The following IL2RA variants were observed in gnomAD, a reference collection of about 807,000 sequenced individuals.
The protein encoded by IL2RA is interleukin-2 receptor subunit alpha.
IL2RA carries 24 observed loss-of-function variants against 37.8 expected under a neutral mutation model. That is an observed-to-expected ratio of 0.63 (90% CI 0.46 to 0.89). IL2RA has a LOEUF of 0.89. Ranked by LOEUF, IL2RA falls within the 40% of genes least tolerant of loss-of-function variation. The pLI is 0.00. For missense variants in IL2RA, 319 were observed against 348.6 expected, an observed-to-expected ratio of 0.92 and a Z score of 0.68; for synonymous variants, 125 against 114.6, an observed-to-expected ratio of 1.09 and a Z score of -0.58.
At position 6,021,951 on chromosome 10, in the gene IL2RA, C is replaced by T. The variant is rs1290840485; in HGVS notation, c.368-258G>A. 2.6e-5 allele frequency among the ~76,000 whole-genome samples: 4 copies of T among 152,018 alleles called. No homozygotes were observed. Among genetic ancestry groups the T allele is most frequent in the Non-Finnish European group, 5.9e-5 (4 of 68,002 alleles). On this transcript the variant is annotated intron_variant, in intron 3 of 7. Coordinates refer to ENST00000379959, the MANE Select transcript of IL2RA (RefSeq NM_000417.3). The surrounding 1 kb of genome is among the most constrained non-coding windows in gnomAD (Gnocchi z 4.9). ...AGAAAGGCATGTGAAGGATAGCAGA[C>T]GTTGGCAATGGGAACACAGAGGAAT...
rs1464759420 is a variant in IL2RA at position 6,021,658 on chromosome 10, C to T, written c.403G>A (p.Ala135Thr). ...ACGAAATGATAAATTCTCTCTGTGG[C>T]TTCATTTTCCCATGGTGGAGGTTCC... is the stretch of plus-strand genomic sequence containing the variant. ...CREPPPWENEATERIYHFVVG... is the reference protein window; with the variant it reads ...CREPPPWENETTERIYHFVVG... The change falls in exon 4 of 8, where the codon GCC becomes ACC. Residue 135 changes from alanine to threonine, a missense_variant. Ala to Thr is a moderately conservative substitution (Grantham distance 58, BLOSUM62 0). Transcript: ENST00000379959. The surrounding 1 kb of genome is among the most constrained non-coding windows in gnomAD (Gnocchi z 4.9). 1 of 1,614,126 alleles carries T rather than the reference C, an allele frequency of 6.2e-7. No individual in the cohort carries two copies. The highest frequency in any genetic ancestry group is 8.5e-7 in the Non-Finnish European group (1 of 1,180,010).
chr10:6,023,115 C>T (rs1470062525), intron 3 of IL2RA, among the ~76,000 whole-genome samples: 1 of 152,142 alleles, frequency 6.6e-6, no homozygotes, highest in African/African-American at 2.4e-5. Context: ...TGAGCTTAAC[C>T]AAATCTTTTT....
At chr10:6,059,710 T>A (rs1840095632) in intron 1 of IL2RA, among the ~76,000 whole-genome samples, 1 of 152,170 alleles carries the variant, frequency 6.6e-6, no homozygotes, top group African/African-American at 2.4e-5. Context: ...AAGGCACTCC[T>A]GTGTTTTGGC....
intron 1 of IL2RA, among the ~76,000 whole-genome samples, chr10:6,042,621 A>G (rs1839789814): frequency 6.6e-6 from 1 of 152,196 alleles, no homozygotes; most frequent in South Asian, 2.1e-4. Context: ...CCAAGAATCT[A>G]TACTTATCCA....
Position 6,018,212 on chromosome 10 carries a change from C to G in IL2RA, c.728-93G>C, listed in dbSNP as rs1839311273. ...CCACAGGGCAGGCTGAGGACATCCC[C>G]AAAGAGCAAGGCGGAGGCTGCAGCC... is the stretch of plus-strand genomic sequence containing the variant. On this transcript the variant is annotated intron_variant, in intron 6 of 7. Coordinates refer to ENST00000379959, the MANE Select transcript of IL2RA (RefSeq NM_000417.3). The surrounding 1 kb of genome is among the most constrained non-coding windows in gnomAD (Gnocchi z 5.1). 1 of 947,770 alleles carries G rather than the reference C, an allele frequency of 1.1e-6. No individual in the cohort carries two copies. The highest frequency in any genetic ancestry group is 1.6e-5 in the African/African-American group (1 of 62,052). The allele number at this position is 947,770 out of a possible 1,614,324, so 58.7% of individuals were successfully genotyped here.
At position 6,015,914 on chromosome 10, in the gene IL2RA, A is replaced by G. The variant is rs78230131; in HGVS notation, c.794+2139T>C. Among the ~76,000 whole-genome samples the G allele has an allele frequency of 1.3e-5, 2 of 152,306 alleles. No individual in the cohort carries two copies. The highest frequency in any genetic ancestry group is 3.9e-4 in the East Asian group (2 of 5,192). ...AGGCAAATCCATAGAGACGGAACAT[A>G]GAGTGGTGGTTTCCCGGGGCTGGGG... is the stretch of plus-strand genomic sequence containing the variant. On this transcript the variant is annotated intron_variant, in intron 7 of 7. Coordinates refer to ENST00000379959, the MANE Select transcript of IL2RA (RefSeq NM_000417.3). This position sits in a 1 kb window ranked among gnomAD's most constrained non-coding sequence, Gnocchi z 4.9.
At chr10:6,050,629 G>A (rs1367882977) in intron 1 of IL2RA, among the ~76,000 whole-genome samples, 1 of 152,214 alleles carries the variant, frequency 6.6e-6, no homozygotes, top group African/African-American at 2.4e-5. Context: ...GGGCAACAGA[G>A]TGAGACTCTG....
Position 6,018,031 on chromosome 10 carries a change from G to A in IL2RA, c.794+22C>T. The A allele has an allele frequency of 6.2e-7, 1 of 1,604,428 alleles. No homozygotes were observed. Among genetic ancestry groups the A allele is most frequent in the Non-Finnish European group, 8.5e-7 (1 of 1,171,744 alleles). ...CAGGACTTTGATCTGACCAAGGGCTGCCTTGGTGATGCCACACTTACTGTC... is the reference window on the plus strand; with the variant it reads ...CAGGACTTTGATCTGACCAAGGGCTACCTTGGTGATGCCACACTTACTGTC... On this transcript the variant is annotated intron_variant, in intron 7 of 7. Transcript: ENST00000379959. This position sits in a 1 kb window ranked among gnomAD's most constrained non-coding sequence, Gnocchi z 5.1.
At chr10:6,026,368 A>G (rs1419662293) in intron 1 of IL2RA, among the ~76,000 whole-genome samples, 3 of 152,260 alleles carry the variant, frequency 2.0e-5, no homozygotes, top group African/African-American at 7.2e-5. Flanking sequence ...AAGCAAAGTT[A>G]CGTACATTTA....
intron 1 of IL2RA, among the ~76,000 whole-genome samples, chr10:6,038,683 C>A (rs1839726646): frequency 6.6e-6 from 1 of 152,098 alleles, no homozygotes; most frequent in Non-Finnish European, 1.5e-5. Context: ...CACAAAGAAG[C>A]AAGGAGGAAG....
At chr10:6,052,012 G>C (rs926383632) in intron 1 of IL2RA, among the ~76,000 whole-genome samples, 1 of 150,908 alleles carries the variant, frequency 6.6e-6, no homozygotes, top group Non-Finnish European at 1.5e-5. Context: ...CATTATGAAA[G>C]GTGCTTCTAG....
In IL2RA at chr10:6,036,404, G is replaced by A. The variant is rs1343597993; in HGVS notation, c.65-10379C>T. The A allele has an allele frequency of 1.3e-5, 2 of 152,202 alleles. No homozygotes were observed. The highest frequency in any genetic ancestry group is 4.1e-4 in the South Asian group (2 of 4,826). 9.4% of individuals were successfully genotyped at this position (152,202 alleles called of 1,614,324 possible). ...ATGTCTTGGATTTCAAATAAAAGAC[G>A]AGGAACTTGGTGAAATGAGGTGGTC... On this transcript the variant is annotated intron_variant, in intron 1 of 7. Coordinates refer to ENST00000379959, the MANE Select transcript of IL2RA (RefSeq NM_000417.3). The surrounding 1 kb of genome is among the most constrained non-coding windows in gnomAD (Gnocchi z 6.1).
rs1004874519 is a variant in IL2RA, at chr10:6,020,959, A to G, written c.583+519T>C. On this transcript the variant is annotated intron_variant, in intron 4 of 7. Coordinates refer to ENST00000379959, the MANE Select transcript of IL2RA (RefSeq NM_000417.3). The surrounding 1 kb of genome is among the most constrained non-coding windows in gnomAD (Gnocchi z 5.6). ...TGTGTGTGTGTGTGTGTGTGCGCGC[A>G]TGTGCACTGAGTAAGTCCCGACTCT... 4.9e-5 allele frequency among the ~76,000 whole-genome samples: 7 copies of G among 143,576 alleles called. No homozygotes were observed. Among genetic ancestry groups the G allele is most frequent in the Non-Finnish European group, 9.2e-5 (6 of 64,958 alleles). The allele number at this position is 143,576 out of a possible 152,430, so 94.2% of individuals were successfully genotyped here. A position where few individuals can be genotyped will look rare whatever the true frequency, so the allele number is the denominator to read the frequency against.
At chr10:6,031,495 T>TATATATATATATATATATATATATAC (rs2132868068) in intron 1 of IL2RA, among the ~76,000 whole-genome samples, 2 of 65,562 alleles carry the variant, frequency 3.1e-5, no homozygotes, top group African/African-American at 6.4e-5. Context: ...TATATATATG[T>TATATATATATATATATATATATATAC]ATATATATAT....
chr10:6,052,479 A>C (rs570853645), intron 1 of IL2RA, among the ~76,000 whole-genome samples: 128 of 152,318 alleles, frequency 8.4e-4, no homozygotes, highest in African/African-American at 2.9e-3. Context: ...TGAATGAATG[A>C]ACAAAGGAAT....
rs960955128 is a variant in IL2RA, at chr10:6,022,446, C to G, written c.368-753G>C. Among the ~76,000 whole-genome samples the G allele has an allele frequency of 1.3e-5, 2 of 152,222 alleles. No homozygotes were observed. The highest frequency in any genetic ancestry group is 2.9e-5 in the Non-Finnish European group (2 of 68,042). Reference sequence around the variant, plus strand: ...TCTGATTAAATCTCTGAATTCCCCACCCACAGCCCCCAACCTGGACATATG... The same window carrying G: ...TCTGATTAAATCTCTGAATTCCCCAGCCACAGCCCCCAACCTGGACATATG... On this transcript the variant is annotated intron_variant, in intron 3 of 7. Transcript: ENST00000379959. This position sits in a 1 kb window ranked among gnomAD's most constrained non-coding sequence, Gnocchi z 4.7.
Position 6,021,133 on chromosome 10 carries a change from G to A in IL2RA, c.583+345C>T, listed in dbSNP as rs1231713091. On this transcript the variant is annotated intron_variant, in intron 4 of 7. Coordinates refer to ENST00000379959, the MANE Select transcript of IL2RA (RefSeq NM_000417.3). The surrounding 1 kb of genome is among the most constrained non-coding windows in gnomAD (Gnocchi z 4.9). Reference sequence around the variant, plus strand: ...TGAGTGGGAAACTGGACTTGCCCTTGGAGCCAGAGGAGGCCTTGGTGGCTT... The same window carrying A: ...TGAGTGGGAAACTGGACTTGCCCTTAGAGCCAGAGGAGGCCTTGGTGGCTT... Among the ~76,000 whole-genome samples the A allele has an allele frequency of 2.0e-5, 3 of 152,094 alleles. No homozygotes were observed. Among genetic ancestry groups the A allele is most frequent in the Non-Finnish European group, 4.4e-5 (3 of 68,014 alleles).
At chr10:6,019,401 T>G in intron 6 of IL2RA, 27 bp downstream of exon 6, 1 of 1,547,538 alleles carries the variant, frequency 6.5e-7, no homozygotes, top group Admixed American at 1.7e-5. Flanking sequence ...GTGTACATTT[T>G]GTCCACAAAG....
At position 6,036,536 on chromosome 10, in the gene IL2RA, C is replaced by CA. The variant is rs1211371706; in HGVS notation, c.65-10512dup. 6.6e-6 allele frequency: 1 copy of CA among 152,236 alleles called. No homozygotes were observed. The highest frequency in any genetic ancestry group is 1.5e-5 in the Non-Finnish European group (1 of 68,064). The allele number at this position is 152,236 out of a possible 1,614,324, so 9.4% of individuals were successfully genotyped here. ...AAACAAACAAACAAAAAAGAGGCCC[C>CA]ATTCACAGTAAAGATAAACAGCAGC... On this transcript the variant is annotated intron_variant, in intron 1 of 7. Transcript: ENST00000379959. This position sits in a 1 kb window ranked among gnomAD's most constrained non-coding sequence, Gnocchi z 6.1.
Sources: gnomAD v4.1 joint callset for allele counts (sites outside exome capture counted in the v4.1 genomes callset) on GRCh38, gnomAD v4.1.1 for gene constraint, Gnocchi (gnomAD v3.1) non-coding constraint, MANE v1.5 for transcripts, NCBI Gene and HGNC (gene_info 2026-07-23, HGNC 2026-07-21) for gene names.